Variants in ZFTA observed in about 807,000 individuals in gnomAD.
ZFTA encodes zinc finger translocation-associated protein.
A neutral mutation model predicts 41.8 loss-of-function variants in ZFTA; 35 were observed. The observed-to-expected ratio is 0.84, with a 90% CI of 0.64 to 1.11. ZFTA has a LOEUF of 1.11. Ranked by LOEUF, ZFTA falls within the 50% of genes most tolerant of loss-of-function variation. The pLI is 0.00. For synonymous variants in ZFTA, 514 were observed against 436.4 expected, an observed-to-expected ratio of 1.18 and a Z score of -2.22; for missense variants, 964 against 989.8, an observed-to-expected ratio of 0.97 and a Z score of 0.35.
Position 63,764,456 on chromosome 11 carries a change from C to A in ZFTA, c.1167G>T (p.Glu389Asp). 1 of 1,265,316 alleles carries A rather than the reference C, an allele frequency of 7.9e-7. No individual in the cohort carries two copies. Among genetic ancestry groups the A allele is most frequent in the Non-Finnish European group, 1.0e-6 (1 of 1,002,808 alleles). 78.4% of individuals were successfully genotyped at this position (1,265,316 alleles called of 1,614,324 possible). A position where few individuals can be genotyped will look rare whatever the true frequency, so the allele number is the denominator to read the frequency against. ...CGCCCTCCTCCAGCTCCTCCTCCTC[C>A]TCTGCGGGCCCGGGCCTCTCAGGGA... ...GWVPERPGPA[E>D]EEEELEEGEG... Residue 389 changes from glutamate to aspartate, a missense_variant, in exon 4 of 5, where the codon GAG becomes GAT. Coordinates refer to ENST00000433688, the MANE Select transcript of ZFTA (RefSeq NM_001144936.2).
chr11:63,763,742 C>A lies in ZFTA; in HGVS notation c.1713G>T (p.Pro571=), dbSNP rs954686228. The A allele has an allele frequency of 4.7e-6, 7 of 1,494,128 alleles. No individual in the cohort carries two copies. The highest frequency in any genetic ancestry group is 1.4e-5 in the African/African-American group (1 of 69,708). The allele number at this position is 1,494,128 out of a possible 1,614,324, so 92.6% of individuals were successfully genotyped here. A position where few individuals can be genotyped will look rare whatever the true frequency, so the allele number is the denominator to read the frequency against. Residue 571 remains proline, a synonymous_variant, in exon 5 of 5, where the codon CCG becomes CCT. Transcript: ENST00000433688. Reference sequence around the variant, plus strand: ...TCCGCCGCTGCTCCCGGCTGCGGGGCGGGGGCGGAGGCGGGGGAGGAGGCG... The same window carrying A: ...TCCGCCGCTGCTCCCGGCTGCGGGGAGGGGGCGGAGGCGGGGGAGGAGGCG... ...PPPPPPPPPP[P]PRSREQRRNY... is the part of the protein sequence containing the mutation.
At position 63,765,007 on chromosome 11, in the gene ZFTA, C is replaced by A; in HGVS notation, c.885G>T (p.Leu295=). ...CMACGRALPS[L]HLDDIRAHVL... ...CGTGGGCACGGATGTCGTCCAGGTGCAGGCTGGGCAGTGCCCGGCCACAGG... is the reference window on the plus strand; with the variant it reads ...CGTGGGCACGGATGTCGTCCAGGTGAAGGCTGGGCAGTGCCCGGCCACAGG... Residue 295 remains leucine, a synonymous_variant, in exon 3 of 5, where the codon CTG becomes CTT. Coordinates refer to ENST00000433688, the MANE Select transcript of ZFTA (RefSeq NM_001144936.2). The surrounding 1 kb of genome is among the most constrained non-coding windows in gnomAD (Gnocchi z 4.0). 2 of 1,548,918 alleles carry A rather than the reference C, an allele frequency of 1.3e-6. No homozygotes were observed. The highest frequency in any genetic ancestry group is 1.7e-6 in the Non-Finnish European group (2 of 1,146,550).
chr11:63,764,827 C>G (rs1337682993), intron 3 of ZFTA, 41 bp downstream of exon 3: 1 of 1,438,056 alleles, frequency 7.0e-7, no homozygotes, highest in African/African-American at 1.4e-5. Context: ...CACTTCAGAG[C>G]CCCAGTATGA....
chr11:63,764,316 C>A lies in ZFTA; in HGVS notation c.1307G>T (p.Gly436Val), dbSNP rs1314175960. 1.7e-5 allele frequency: 24 copies of A among 1,385,966 alleles called. No individual in the cohort carries two copies. The East Asian group carries it at 7.6e-4, about 44-fold the overall frequency. The allele number at this position is 1,385,966 out of a possible 1,614,324, so 85.9% of individuals were successfully genotyped here. ...YLMELDGGRRGLVCGVCGGAL... is the reference protein window; with the variant it reads ...YLMELDGGRRVLVCGVCGGAL... The stretch of plus-strand genomic sequence containing the variant: ...GCCCCCGCACACCCCGCACACCAGG[C>A]CGCGCCGGCCGCCGTCCAACTCCAT... The change falls in exon 4 of 5, where the codon GGC becomes GTC. Residue 436 changes from glycine (G) to valine (V), a missense_variant. Transcript: ENST00000433688.
At chr11:63,764,720 G>C in intron 3 of ZFTA, 122 bp from the exon 4 acceptor site, 1 of 1,350,760 alleles carries the variant, frequency 7.4e-7, no homozygotes, top group Admixed American at 3.5e-5. Flanking sequence ...GTCTGTCTCT[G>C]TCTGGGGGCA....
chr11:63,764,213 C>G lies in ZFTA; in HGVS notation c.1410G>C (p.Gly470=), dbSNP rs2014705181. 2.1e-6 allele frequency: 3 copies of G among 1,420,576 alleles called. No homozygotes were observed. Among genetic ancestry groups the G allele is most frequent in the Non-Finnish European group, 2.7e-6 (3 of 1,098,676 alleles). The allele number at this position is 1,420,576 out of a possible 1,614,324, so 88.0% of individuals were successfully genotyped here. A position where few individuals can be genotyped will look rare whatever the true frequency, so the allele number is the denominator to read the frequency against. ...CCCGGGCGATGAGGGCCTGGACAGG[C>G]CCGCCGAGGCGCGTGGAGCCCGGGT... is the stretch of plus-strand genomic sequence containing the variant. ...RRHPGSTRLG[G]PVQALIAREW... Residue 470 remains glycine, a synonymous_variant, in exon 4 of 5, where the codon GGG becomes GGC. Coordinates refer to ENST00000433688, the MANE Select transcript of ZFTA (RefSeq NM_001144936.2).
chr11:63,768,424 C>T, intron 1 of ZFTA, 60 bp downstream of exon 1: 1 of 1,029,226 alleles, frequency 9.7e-7, no homozygotes, highest in Non-Finnish European at 1.2e-6. Context: ...GGCCCCGAGC[C>T]GCAGCCCTCC....
In ZFTA at chr11:63,763,801, C is replaced by T. The variant is rs1270698509; in HGVS notation, c.1654G>A (p.Gly552Ser). The T allele has an allele frequency of 1.4e-6, 2 of 1,448,650 alleles. No homozygotes were observed. The highest frequency in any genetic ancestry group is 1.8e-6 in the Non-Finnish European group (2 of 1,103,498). The allele number at this position is 1,448,650 out of a possible 1,614,324, so 89.7% of individuals were successfully genotyped here. Residue 552 changes from glycine (G) to serine (S), a missense_variant, in exon 5 of 5, where the codon GGC becomes AGC. Gly to Ser is a moderately conservative substitution (Grantham distance 56). This residue lies in a region of ZFTA where 584 missense variants were observed against 523.1 expected (regional missense o/e 1.12). Coordinates refer to ENST00000433688, the MANE Select transcript of ZFTA (RefSeq NM_001144936.2). ...PAEEEEDEED[G>S]QEPGGLALPP... ...AAGGCGAGTCCCCCAGGCTCCTGGC[C>T]GTCCTCTTCGTCCTCCTCTTCTTCG...
chr11:63,765,862 T>TTCCTCC lies in ZFTA; in HGVS notation c.576_581dup (p.Glu199_Glu200dup). On this transcript the variant is annotated inframe_insertion, in exon 2 of 5. Coordinates refer to ENST00000433688, the MANE Select transcript of ZFTA (RefSeq NM_001144936.2). The surrounding 1 kb of genome is among the most constrained non-coding windows in gnomAD (Gnocchi z 4.0). ...CGGCCCCCTCCTCCTCCTCCTCTTCTTCCTCCTCCTCCTCCTCCTCAGCCC... is the reference window on the plus strand; with the variant it reads ...CGGCCCCCTCCTCCTCCTCCTCTTCTTCCTCCTCCTCCTCCTCCTCCTCCTCAGCCC... 1.3e-6 allele frequency: 2 copies of TTCCTCC among 1,500,776 alleles called. No homozygotes were observed. Among genetic ancestry groups the TTCCTCC allele is most frequent in the South Asian group, 1.3e-5 (1 of 77,202 alleles). The allele number at this position is 1,500,776 out of a possible 1,614,324, so 93.0% of individuals were successfully genotyped here. A position where few individuals can be genotyped will look rare whatever the true frequency, so the allele number is the denominator to read the frequency against.
chr11:63,764,919 C>A lies in ZFTA; in HGVS notation c.973G>T (p.Ala325Ser), dbSNP rs554552737. 1.9e-6 allele frequency: 3 copies of A among 1,540,642 alleles called. No homozygotes were observed. In the East Asian group the frequency reaches 7.4e-5, roughly 38 times the overall value. ...SGPQRSALLQ[A>S]WGGQPEALSE... ...AGCGCCTCGGGCTGGCCCCCCCAGGCCTGCAGCAGGGCACTGCGCTGGGGG... is the reference window on the plus strand; with the variant it reads ...AGCGCCTCGGGCTGGCCCCCCCAGGACTGCAGCAGGGCACTGCGCTGGGGG... The change falls in exon 3 of 5, where the codon GCC becomes TCC. Residue 325 changes from alanine (A) to serine (S), a missense_variant. Physicochemically the swap from Ala to Ser is moderately conservative, Grantham distance 99. Around this residue, in one of 5 missense-constraint regions of ZFTA, gnomAD observed 584 missense variants for 523.1 expected, o/e 1.12. Coordinates refer to ENST00000433688, the MANE Select transcript of ZFTA (RefSeq NM_001144936.2).
chr11:63,764,285 C>A lies in ZFTA; in HGVS notation c.1338G>T (p.Leu446=). 6.9e-7 allele frequency: 1 copy of A among 1,457,612 alleles called. No homozygotes were observed. Among genetic ancestry groups the A allele is most frequent in the South Asian group, 1.3e-5 (1 of 76,454 alleles). 90.3% of individuals were successfully genotyped at this position (1,457,612 alleles called of 1,614,324 possible). A position where few individuals can be genotyped will look rare whatever the true frequency, so the allele number is the denominator to read the frequency against. ...CGATGGTGCTCATCTTGAGCGAGGC[C>A]AGCGCGCCCCCGCACACCCCGCACA... is the stretch of plus-strand genomic sequence containing the variant. The part of the protein sequence containing the change: ...GLVCGVCGGA[L]ASLKMSTIER... The change falls in exon 4 of 5, where the codon CTG becomes CTT. Residue 446 remains leucine (L), a synonymous_variant. Transcript: ENST00000433688.
Position 63,763,522 on chromosome 11 carries a change from C to T in ZFTA, c.1933G>A (p.Glu645Lys). The change falls in exon 5 of 5, where the codon GAG becomes AAG. Residue 645 changes from glutamate to lysine, a missense_variant. By Grantham distance (56) the Glu-to-Lys change is moderately conservative. Around this residue, in one of 5 missense-constraint regions of ZFTA, gnomAD observed 65 missense variants for 58.9 expected, o/e 1.10. Transcript: ENST00000433688. ...TGGCCGTAGCAGCGCAGCGCCGCCT[C>T]CTCGTAGGCCTCCAGGATAGTCTGG... ...ERQTILEAYE[E>K]AALRCYGHEG... 6.5e-7 allele frequency: 1 copy of T among 1,545,004 alleles called. No homozygotes were observed. The highest frequency in any genetic ancestry group is 8.7e-7 in the Non-Finnish European group (1 of 1,143,678).
Position 63,764,159 on chromosome 11 carries a change from C to T in ZFTA, c.1464G>A (p.Leu488=). The T allele has an allele frequency of 1.5e-6, 2 of 1,362,994 alleles. No homozygotes were observed. The highest frequency in any genetic ancestry group is 1.9e-6 in the Non-Finnish European group (2 of 1,064,992). The allele number at this position is 1,362,994 out of a possible 1,614,324, so 84.4% of individuals were successfully genotyped here. Residue 488 remains leucine (L), a synonymous_variant, in exon 4 of 5, where the codon CTG becomes CTA. Coordinates refer to ENST00000433688, the MANE Select transcript of ZFTA (RefSeq NM_001144936.2). ...ACTCGGGGCGGGGCGGCCCCAGGGC[C>T]AGCAGGTGGGCGGCCTTCTCGCTCC... ...REWSEKAAHL[L]ALGPPRPESP...
At position 63,764,546 on chromosome 11, in the gene ZFTA, G is replaced by A; in HGVS notation, c.1077C>T (p.Ser359=). Residue 359 remains serine (S), a synonymous_variant, in exon 4 of 5, where the codon TCC becomes TCT. Coordinates refer to ENST00000433688, the MANE Select transcript of ZFTA (RefSeq NM_001144936.2). ...DLTGKSRDSA[S]AAGAPSSQDL... ...CCTGAGAGGAGGGGGCTCCAGCAGC[G>A]GAGGCCGAGTCCCGGCTCTTTCCGG... 8.0e-7 allele frequency: 1 copy of A among 1,256,030 alleles called. No individual in the cohort carries two copies. The highest frequency in any genetic ancestry group is 1.0e-6 in the Non-Finnish European group (1 of 995,176). 77.8% of individuals were successfully genotyped at this position (1,256,030 alleles called of 1,614,324 possible).
rs2014790020 is a variant in ZFTA, at chr11:63,768,722, C to T, written c.-100G>A. On this transcript the variant is annotated 5_prime_UTR_variant, in exon 1 of 5. Coordinates refer to ENST00000433688, the MANE Select transcript of ZFTA (RefSeq NM_001144936.2). ...GCTCGCTGCGCGGGGCCCCGGGGCG[C>T]GGGGCGCATGCACGGGGCGGCCGGC... is the stretch of plus-strand genomic sequence containing the variant. The T allele has an allele frequency of 4.4e-6, 2 of 454,840 alleles. No individual in the cohort carries two copies. The highest frequency in any genetic ancestry group is 6.6e-5 in the Admixed American group (1 of 15,080). 28.2% of individuals were successfully genotyped at this position (454,840 alleles called of 1,614,324 possible). A position where few individuals can be genotyped will look rare whatever the true frequency, so the allele number is the denominator to read the frequency against.
In ZFTA at chr11:63,765,082, G is replaced by A; in HGVS notation, c.810C>T (p.Ala270=). 3 of 1,548,906 alleles carry A rather than the reference G, an allele frequency of 1.9e-6. No homozygotes were observed. Among genetic ancestry groups the A allele is most frequent in the Middle Eastern group, 1.8e-4 (1 of 5,622 alleles). ...LKESLQNWFR[A]ECLMDYDPRG... is the part of the protein sequence containing the mutation. ...GCGGGTCATAGTCCATGAGACACTC[G>A]GCCCGGAACCAGTTCTGCAGGGACT... The change falls in exon 3 of 5, where the codon GCC becomes GCT. Residue 270 remains alanine (A), a synonymous_variant. Transcript: ENST00000433688. This position sits in a 1 kb window ranked among gnomAD's most constrained non-coding sequence, Gnocchi z 4.0.
Position 63,765,342 on chromosome 11 carries a change from C to A in ZFTA, c.638-88G>T. 1 of 1,357,098 alleles carries A rather than the reference C, an allele frequency of 7.4e-7. No individual in the cohort carries two copies. Among genetic ancestry groups the A allele is most frequent in the Non-Finnish European group, 9.6e-7 (1 of 1,043,322 alleles). The allele number at this position is 1,357,098 out of a possible 1,614,324, so 84.1% of individuals were successfully genotyped here. A position where few individuals can be genotyped will look rare whatever the true frequency, so the allele number is the denominator to read the frequency against. ...AGGTCTCCCACAAGCCTCTCACTCA[C>A]TTGGGCCCCAGGCCTAACCTTTGCC... On this transcript the variant is annotated intron_variant, in intron 2 of 4. Coordinates refer to ENST00000433688, the MANE Select transcript of ZFTA (RefSeq NM_001144936.2). The surrounding 1 kb of genome is among the most constrained non-coding windows in gnomAD (Gnocchi z 4.0).
Position 63,765,660 on chromosome 11 carries a change from T to G in ZFTA, c.637+147A>C. 3.6e-6 allele frequency: 4 copies of G among 1,112,198 alleles called. No homozygotes were observed. The highest frequency in any genetic ancestry group is 4.8e-6 in the Non-Finnish European group (4 of 825,244). The allele number at this position is 1,112,198 out of a possible 1,614,324, so 68.9% of individuals were successfully genotyped here. On this transcript the variant is annotated intron_variant, in intron 2 of 4. Coordinates refer to ENST00000433688, the MANE Select transcript of ZFTA (RefSeq NM_001144936.2). The surrounding 1 kb of genome is among the most constrained non-coding windows in gnomAD (Gnocchi z 4.0). Reference sequence around the variant, plus strand: ...TCACCCCACTGTCCTTCCCCCACCTTTGTATAATAAGGGCAATAAACAGAC... The same window carrying G: ...TCACCCCACTGTCCTTCCCCCACCTGTGTATAATAAGGGCAATAAACAGAC...
chr11:63,768,569 G>A lies in ZFTA; in HGVS notation c.54C>T (p.Pro18=), dbSNP rs1445659802. The change falls in exon 1 of 5, where the codon CCC becomes CCT. Residue 18 remains proline, a synonymous_variant. Transcript: ENST00000433688. ...CCCGTGCCGAGGCCACTGCTGGCCC[G>A]GGGCCGCCCCTGCCGCCGCTGCTCC... ...RSRSSGGRGG[P]GPAVASARGR... 1.9e-6 allele frequency: 2 copies of A among 1,065,884 alleles called. No homozygotes were observed. Among genetic ancestry groups the A allele is most frequent in the East Asian group, 6.9e-5 (1 of 14,420 alleles). 66.0% of individuals were successfully genotyped at this position (1,065,884 alleles called of 1,614,324 possible). A position where few individuals can be genotyped will look rare whatever the true frequency, so the allele number is the denominator to read the frequency against.
Sources: gnomAD v4.1 joint callset for allele counts on GRCh38, gnomAD v4.1.1 for gene constraint, gnomAD v4.1.1 regional missense constraint, Gnocchi (gnomAD v3.1) non-coding constraint, MANE v1.5 for transcripts, NCBI Gene and HGNC (gene_info 2026-07-23, HGNC 2026-07-21) for gene names.